The following CYP17A1 variants were observed in gnomAD, a reference collection of about 807,000 sequenced individuals.
CYP17A1 encodes the protein cytochrome P450 family 17 subfamily A member 1.
In CYP17A1, 27 loss-of-function variants were observed where a neutral mutation model predicts 38.5. That is an observed-to-expected ratio of 0.70 (90% CI 0.52 to 0.97). The LOEUF (loss-of-function observed/expected upper bound fraction) is 0.97. Ranked by LOEUF, CYP17A1 falls within the 50% of genes least tolerant of loss-of-function variation. The probability of loss-of-function intolerance (pLI) is 0.00; values close to 1 mark genes in which losing one functional copy is unlikely to be tolerated. For synonymous variants in CYP17A1, 263 were observed against 253.3 expected (o/e 1.04, Z -0.36); for missense variants, 549 against 645.9 (o/e 0.85, Z 1.63).
At chr10:102,834,175 A>G in intron 3 of CYP17A1, 53 bp from the exon 4 acceptor site, 1 of 841,418 alleles carries the variant, frequency 1.2e-6, no homozygotes, top group South Asian at 1.4e-5. Flanking sequence ...TTGCTTCTCC[A>G]GCTGCCAGAG....
intron 7 of CYP17A1, among the ~76,000 whole-genome samples, chr10:102,831,276 G>T (rs1353292157): frequency 6.6e-6 from 1 of 152,226 alleles, no homozygotes; most frequent in Non-Finnish European, 1.5e-5. Context: ...AGACAGAGGC[G>T]TAGAGGGCTT....
chr10:102,836,313 C>T (rs1235208773), intron 1 of CYP17A1, among the ~76,000 whole-genome samples: 7 of 151,772 alleles, frequency 4.6e-5, no homozygotes, highest in Admixed American at 3.3e-4. Flanking sequence ...AAAAAATTAG[C>T]GGGCATGGTG....
At chr10:102,835,996 G>T (rs1347376590) in intron 1 of CYP17A1, among the ~76,000 whole-genome samples, 1 of 152,146 alleles carries the variant, frequency 6.6e-6, no homozygotes, top group East Asian at 1.9e-4. Context: ...AAAGCAAAAG[G>T]GTCCAAAGCC....
intron 3 of CYP17A1, chr10:102,834,543 C>T (rs137920938): frequency 4.9e-4 from 299 of 612,024 alleles, no homozygotes; most frequent in African/African-American, 3.9e-3. Flanking sequence ...AGTACTGGCA[C>T]ATGGTAATTG....
At chr10:102,834,530 C>CCA in intron 3 of CYP17A1, 1 of 599,144 alleles carries the variant, frequency 1.7e-6, no homozygotes, top group Non-Finnish European at 3.0e-6. Context: ...GTATAGAATG[C>CCA]TTAGTACTGG....
At chr10:102,833,267 T>C (rs1844116037) in intron 4 of CYP17A1, 59 bp from the exon 5 acceptor site, 1 of 1,612,766 alleles carries the variant, frequency 6.2e-7, no homozygotes, top group Non-Finnish European at 8.5e-7. Context: ...GTGACACTCC[T>C]GCCATACTTC....
chr10:102,835,762 C>T (rs887176268), intron 1 of CYP17A1, among the ~76,000 whole-genome samples: 3 of 152,158 alleles, frequency 2.0e-5, no homozygotes, highest in African/African-American at 7.2e-5. Context: ...CTATGCCTGT[C>T]CAGAGGGTAG....
intron 6 of CYP17A1, among the ~76,000 whole-genome samples, chr10:102,832,133 G>T (rs922269774): frequency 6.6e-6 from 1 of 152,102 alleles, no homozygotes; most frequent in Non-Finnish European, 1.5e-5. Flanking sequence ...GAGTGCAGTG[G>T]TGCAATCTTG....
In CYP17A1 at chr10:102,834,085, TG is replaced by T; in HGVS notation, c.703del (p.His235MetfsTer9). On this transcript the variant is annotated frameshift_variant, in exon 4 of 8. Coordinates refer to ENST00000369887, the MANE Select transcript of CYP17A1 (RefSeq NM_000102.4). LOFTEE classifies it high-confidence loss of function. ...CAGCAGATCATTTCGTATTTTAACA[TG>T]GCTCTTTAATTTTTCCAGGGTTTTG... ...PNKTLEKLKS[H>X]VKIRNDLLNK... The T allele has an allele frequency of 7.5e-7, 1 of 1,338,818 alleles. No homozygotes were observed. Among genetic ancestry groups the T allele is most frequent in the Non-Finnish European group, 1.1e-6 (1 of 928,448 alleles). 82.9% of individuals were successfully genotyped at this position (1,338,818 alleles called of 1,614,324 possible). A position where few individuals can be genotyped will look rare whatever the true frequency, so the allele number is the denominator to read the frequency against.
intron 7 of CYP17A1, 125 bp downstream of exon 7, chr10:102,831,383 G>C (rs1844086495): frequency 6.8e-7 from 1 of 1,479,764 alleles, no homozygotes; most frequent in African/African-American, 1.4e-5. Context: ...GGTGTCAACA[G>C]GTCCGTATAG....
chr10:102,831,414 G>T, intron 7 of CYP17A1, 94 bp downstream of exon 7: 1 of 1,560,922 alleles, frequency 6.4e-7, no homozygotes, highest in Non-Finnish European at 8.7e-7. Flanking sequence ...GAGTTTTCTA[G>T]CAGCAAGCTT....
intron 1 of CYP17A1, 145 bp downstream of exon 1, chr10:102,836,920 C>T (rs2134085290): frequency 1.4e-6 from 1 of 728,260 alleles, no homozygotes; most frequent in East Asian, 2.5e-5. Flanking sequence ...TCTGAAGGTT[C>T]ACTCCCTTCA....
At chr10:102,834,701 G>A (rs1844136535) in intron 3 of CYP17A1, 84 bp downstream of exon 3, 1 of 1,601,112 alleles carries the variant, frequency 6.2e-7, no homozygotes, top group African/African-American at 1.3e-5. Context: ...CATTGCGGCT[G>A]GAGCAGGGAA....
Position 102,837,063 on chromosome 10 carries a change from A to G in CYP17A1, c.297+2T>C, listed in dbSNP as rs764723654. ...GGCAGGGAGGAGATGGGCACCACTT[A>G]CCATTTGAGGCCGCCCAGAGAAGTC... is the stretch of plus-strand genomic sequence containing the variant. On this transcript the variant is annotated splice_donor_variant, in intron 1 of 7. Transcript: ENST00000369887. LOFTEE classifies it high-confidence loss of function. The G allele has an allele frequency of 2.5e-6, 4 of 1,576,162 alleles. No individual in the cohort carries two copies. Among genetic ancestry groups the G allele is most frequent in the East Asian group, 2.2e-5 (1 of 44,704 alleles).
At chr10:102,833,674 T>C (rs1176119145) in intron 4 of CYP17A1, 1 of 288,188 alleles carries the variant, frequency 3.5e-6, no homozygotes, top group Non-Finnish European at 6.6e-6. Context: ...CAGGCTGGTC[T>C]CGAACTCCCA....
intron 3 of CYP17A1, 160 bp from the exon 4 acceptor site, chr10:102,834,282 C>T (rs1163948008): frequency 2.2e-5 from 15 of 667,186 alleles, no homozygotes; most frequent in South Asian, 5.0e-5. Flanking sequence ...GGACACAGAA[C>T]GGGTTTATCA....
chr10:102,830,945 C>T lies in CYP17A1; in HGVS notation c.1284G>A (p.Pro428=), dbSNP rs6164. 2.7e-5 allele frequency: 42 copies of T among 1,577,864 alleles called. No homozygotes were observed. Among genetic ancestry groups the T allele is most frequent in the Middle Eastern group, 1.7e-4 (1 of 6,010 alleles). The part of the protein sequence containing the change: ...LNPAGTQLIS[P]SVSYLPFGAG... Reference sequence around the variant, plus strand: ...CTCCGAAGGGCAAATAGCTTACTGACGGTGAGATGAGCTGGGTCCCCGCTG... The same window carrying T: ...CTCCGAAGGGCAAATAGCTTACTGATGGTGAGATGAGCTGGGTCCCCGCTG... Residue 428 remains proline (P), a synonymous_variant, in exon 8 of 8, where the codon CCG becomes CCA. Coordinates refer to ENST00000369887, the MANE Select transcript of CYP17A1 (RefSeq NM_000102.4). This position sits in a 1 kb window ranked among gnomAD's most constrained non-coding sequence, Gnocchi z 4.1.
Position 102,832,992 on chromosome 10 carries a change from C to T in CYP17A1, c.969+1G>A, listed in dbSNP as rs1844111815. The T allele has an allele frequency of 1.9e-6, 3 of 1,613,964 alleles. No homozygotes were observed. The highest frequency in any genetic ancestry group is 2.5e-6 in the Non-Finnish European group (3 of 1,180,014). On this transcript the variant is annotated splice_donor_variant, in intron 5 of 7. Transcript: ENST00000369887. LOFTEE classifies it high-confidence loss of function. Reference sequence around the variant, plus strand: ...CTAGGATCAATGAGGGGGAAGCACACCTGAGGATTGTGCAGCAGGAAGGCC... The same window carrying T: ...CTAGGATCAATGAGGGGGAAGCACATCTGAGGATTGTGCAGCAGGAAGGCC...
chr10:102,830,852 C>A lies in CYP17A1; in HGVS notation c.1377G>T (p.Leu459=). 6.3e-7 allele frequency: 1 copy of A among 1,595,466 alleles called. No individual in the cohort carries two copies. Among genetic ancestry groups the A allele is most frequent in the Non-Finnish European group, 8.6e-7 (1 of 1,169,072 alleles). Reference sequence around the variant, plus strand: ...GCACCTCCAGGTCGAACCTCTGCAGCAGCCAGGCCATGATGAGGAAGAGCT... The same window carrying A: ...GCACCTCCAGGTCGAACCTCTGCAGAAGCCAGGCCATGATGAGGAAGAGCT... The part of the protein sequence containing the change: ...RQELFLIMAW[L]LQRFDLEVPD... Residue 459 remains leucine, a synonymous_variant, in exon 8 of 8, where the codon CTG becomes CTT. Transcript: ENST00000369887. The surrounding 1 kb of genome is among the most constrained non-coding windows in gnomAD (Gnocchi z 4.1).
Sources: gnomAD v4.1 joint callset for allele counts (sites outside exome capture counted in the v4.1 genomes callset) on GRCh38, gnomAD v4.1.1 for gene constraint, Gnocchi (gnomAD v3.1) non-coding constraint, MANE v1.5 for transcripts, NCBI Gene and HGNC (gene_info 2026-07-23, HGNC 2026-07-21) for gene names.